Variants in TDG observed in about 807,000 individuals in gnomAD.
The protein encoded by TDG is thymine DNA glycosylase.
Under a neutral mutation model 46.1 loss-of-function variants are expected in TDG, and 23 were observed. The observed-to-expected ratio is 0.50, with a 90% CI of 0.36 to 0.71. The LOEUF (loss-of-function observed/expected upper bound fraction) is 0.71, where lower values mean the gene tolerates loss of function less well. Among genes scored for constraint, TDG ranks in the 30% least tolerant of loss-of-function variants. TDG has a pLI of 0.00. For synonymous variants in TDG, 115 were observed against 161.3 expected (o/e 0.71, Z 2.18); for missense variants, 304 against 486.7 (o/e 0.62, Z 3.53).
At chr12:103,981,594 G>T (rs4135102) in intron 4 of TDG, among the ~76,000 whole-genome samples, 1 of 152,070 alleles carries the variant, frequency 6.6e-6, no homozygotes, top group South Asian at 2.1e-4. Flanking sequence ...GCATAGTAAC[G>T]ATAGTATAGT....
At chr12:103,974,681 A>G (rs1055768950) in intron 1 of TDG, among the ~76,000 whole-genome samples, 1 of 152,118 alleles carries the variant, frequency 6.6e-6, no homozygotes, top group African/African-American at 2.4e-5. Context: ...AGTAGAAAAC[A>G]TGACTTTCGC....
At chr12:103,979,698 C>T (rs757891820) in intron 2 of TDG, 133 bp from the exon 3 acceptor site, 41 of 1,107,006 alleles carry the variant, frequency 3.7e-5, no homozygotes, top group African/African-American at 4.8e-5. Context: ...AGAGGAGACT[C>T]ATGTTGGGAC....
At chr12:103,971,047 A>G (rs1232764293) in intron 1 of TDG, among the ~76,000 whole-genome samples, 3 of 152,242 alleles carry the variant, frequency 2.0e-5, no homozygotes, top group African/African-American at 7.2e-5. Context: ...TAATGTAAAG[A>G]TTATCTAAAG....
chr12:103,969,349 T>C (rs985938128), intron 1 of TDG, among the ~76,000 whole-genome samples: 1 of 152,216 alleles, frequency 6.6e-6, no homozygotes, highest in Admixed American at 6.5e-5. Flanking sequence ...CCTCTCTTAG[T>C]GAGCAAGATG....
At chr12:103,980,570 A>G (rs1006445948) in intron 3 of TDG, 3 of 250,112 alleles carry the variant, frequency 1.2e-5, no homozygotes, top group African/African-American at 6.8e-5. Flanking sequence ...GTGGCTGGAC[A>G]TGGGCTCAGA....
intron 1 of TDG, among the ~76,000 whole-genome samples, chr12:103,968,716 G>A (rs4135051): frequency 0.027 from 4,110 of 152,352 alleles, 68 homozygotes; most frequent in Middle Eastern, 0.11. Context: ...TGTAGCAAAT[G>A]TAAGGGACCT....
rs922122133 is a variant in TDG, at chr12:103,967,638, G to A, written c.23+1578G>A. The stretch of plus-strand genomic sequence containing the variant: ...GGCCTGGCTAATTTTTGTATTTTTA[G>A]TAGAGACAGGGTTTCACCATGTTGG... On this transcript the variant is annotated intron_variant, in intron 1 of 9. Transcript: ENST00000392872. Among the ~76,000 whole-genome samples, 4 of 151,694 alleles carry A rather than the reference G, an allele frequency of 2.6e-5. No homozygotes were observed. In the East Asian group the frequency reaches 7.8e-4, roughly 29 times the overall value.
chr12:103,982,098 T>A (rs913662896), intron 4 of TDG, among the ~76,000 whole-genome samples: 1 of 152,196 alleles, frequency 6.6e-6, no homozygotes, highest in Non-Finnish European at 1.5e-5. Flanking sequence ...TGTATATAAA[T>A]CATCTTATTT....
At chr12:103,966,221 G>T (rs1475109185) in intron 1 of TDG, among the ~76,000 whole-genome samples, 161 bp downstream of exon 1, 2 of 152,220 alleles carry the variant, frequency 1.3e-5, no homozygotes, top group Non-Finnish European at 2.9e-5. Flanking sequence ...TCCTTCCCTG[G>T]CTGCGGCGGT....
Position 103,973,037 on chromosome 12 carries a change from G to A in TDG, c.24-3881G>A, listed in dbSNP as rs17035056. On this transcript the variant is annotated intron_variant, in intron 1 of 9. Coordinates refer to ENST00000392872, the MANE Select transcript of TDG (RefSeq NM_003211.6). ...TAGTAAGAAACATGGGAGAGTGGTA[G>A]GTAGATTGCCTTCCTGACCATGTGA... 0.023 allele frequency: 16,283 copies of A among 701,106 alleles called. 1,656 individuals are homozygous for A. The East Asian group carries it at 0.28, about 12-fold the overall frequency. The allele number at this position is 701,106 out of a possible 1,614,324, so 43.4% of individuals were successfully genotyped here.
chr12:103,975,199 AT>A (rs900893088), intron 1 of TDG, among the ~76,000 whole-genome samples: 57 of 152,102 alleles, frequency 3.7e-4, no homozygotes, highest in African/African-American at 1.3e-3. Flanking sequence ...CATGAGAAGT[AT>A]TTTTTTTAAT....
At chr12:103,971,235 A>G (rs1380650017) in intron 1 of TDG, among the ~76,000 whole-genome samples, 1 of 152,180 alleles carries the variant, frequency 6.6e-6, no homozygotes, top group East Asian at 1.9e-4. Context: ...CTAAAGGATG[A>G]CTGTACACAA....
Position 103,977,050 on chromosome 12 carries a change from A to G in TDG, c.156A>G (p.Glu52=). The change falls in exon 2 of 10, where the codon GAA becomes GAG. Residue 52 remains glutamate, a synonymous_variant. Transcript: ENST00000392872. ...TTCCAGCCCCAGCTCCTGCTCAGGA[A>G]CCAGTGCAAGGTAGTTTCACCATGA... ...EEVPAPAPAQ[E]PVQEAPKGRK... 1 of 1,612,572 alleles carries G rather than the reference A, an allele frequency of 6.2e-7. No homozygotes were observed.
intron 1 of TDG, among the ~76,000 whole-genome samples, chr12:103,976,339 A>C (rs1461534245): frequency 6.6e-6 from 1 of 152,102 alleles, no homozygotes; most frequent in Non-Finnish European, 1.5e-5. Context: ...CTCCCACCTC[A>C]GAAGTAACAG....
chr12:103,986,707 C>T lies in TDG; in HGVS notation c.1091-241C>T, dbSNP rs184330750. On this transcript the variant is annotated intron_variant, in intron 9 of 9. Transcript: ENST00000392872. ...CAGCCTGGGTGACAGAATGAGACAC[C>T]GTCTCAAAAAGAAAAAAAAAAACTT... The T allele has an allele frequency of 3.3e-3, 1,117 of 338,932 alleles. 10 individuals carry two copies. Among genetic ancestry groups the T allele is most frequent in the African/African-American group, 0.02 (990 of 48,488 alleles). The allele number at this position is 338,932 out of a possible 1,614,324, so 21.0% of individuals were successfully genotyped here. A position where few individuals can be genotyped will look rare whatever the true frequency, so the allele number is the denominator to read the frequency against.
intron 8 of TDG, among the ~76,000 whole-genome samples, chr12:103,985,166 T>TACACACACACACAC (rs375705839): frequency 1.4e-4 from 20 of 138,562 alleles, no homozygotes; most frequent in African/African-American, 4.7e-4. Flanking sequence ...TATAGACACA[T>TACACACACACACAC]ACACACACAC....
chr12:103,969,670 C>T (rs1299093272), intron 1 of TDG, among the ~76,000 whole-genome samples: 2 of 152,112 alleles, frequency 1.3e-5, no homozygotes, highest in African/African-American at 2.4e-5. Context: ...GCAGAAAAAT[C>T]AGTGATAAAG....
intron 1 of TDG, among the ~76,000 whole-genome samples, chr12:103,968,413 G>T (rs1871155445): frequency 6.6e-6 from 1 of 152,154 alleles, no homozygotes; most frequent in South Asian, 2.1e-4. Context: ...TTGGTTAGAT[G>T]TTGACAACAA....
At chr12:103,966,111 A>C (rs576634110) in intron 1 of TDG, 51 bp downstream of exon 1, 288 of 1,486,444 alleles carry the variant, frequency 1.9e-4, no homozygotes, top group Non-Finnish European at 2.4e-4. Flanking sequence ...ACTGCTGGGC[A>C]GGCTGGCTGG....
Sources: allele counts gnomAD v4.1 joint callset (sites outside exome capture counted in the v4.1 genomes callset), GRCh38; gene constraint gnomAD v4.1.1; transcripts MANE v1.5; gene names NCBI Gene and HGNC (gene_info 2026-07-23, HGNC 2026-07-21).